Variants in CARMIL1 observed in about 807,000 individuals in gnomAD.
CARMIL1 encodes F-actin-uncapping protein LRRC16A.
In CARMIL1, 90 loss-of-function variants were observed where a neutral mutation model predicts 177.1. The observed-to-expected ratio is 0.51, with a 90% CI of 0.43 to 0.61. The LOEUF (loss-of-function observed/expected upper bound fraction) is 0.61. Among genes scored for constraint, CARMIL1 ranks in the 20% least tolerant of loss-of-function variants. The probability of loss-of-function intolerance (pLI) is 0.00; values close to 1 mark genes in which losing one functional copy is unlikely to be tolerated. For synonymous variants in CARMIL1, 577 were observed against 606.2 expected (o/e 0.95, Z 0.71); for missense variants, 1,380 against 1,667.0 (o/e 0.83, Z 3.00).
At chr6:25,590,789 A>G (rs906317981) in intron 31 of CARMIL1, among the ~76,000 whole-genome samples, 1 of 151,992 alleles carries the variant, frequency 6.6e-6, no homozygotes, top group African/African-American at 2.4e-5. Context: ...TAAGTTTTTA[A>G]TTTCTTATAC....
chr6:25,496,204 G>A (rs552985580), intron 16 of CARMIL1, among the ~76,000 whole-genome samples: 2 of 152,246 alleles, frequency 1.3e-5, no homozygotes, highest in Non-Finnish European at 2.9e-5. Flanking sequence ...CAGGCTGGGT[G>A]CGGTGGCTCA....
At chr6:25,497,261 C>G (rs150497291) in intron 16 of CARMIL1, among the ~76,000 whole-genome samples, 2 of 152,232 alleles carry the variant, frequency 1.3e-5, no homozygotes, top group African/African-American at 4.8e-5. Context: ...CTAGACACTG[C>G]GCTGGGTGCT....
intron 29 of CARMIL1, among the ~76,000 whole-genome samples, chr6:25,571,531 C>T (rs1812064553): frequency 6.6e-6 from 1 of 152,150 alleles, no homozygotes; most frequent in East Asian, 1.9e-4. Context: ...TCTACGTGGA[C>T]TAAAAGTATC....
At chr6:25,426,183 A>G in intron 3 of CARMIL1, among the ~76,000 whole-genome samples, 1 of 152,190 alleles carries the variant, frequency 6.6e-6, no homozygotes, top group Non-Finnish European at 1.5e-5. Flanking sequence ...TTAATGGCAA[A>G]AACTGTGATT....
chr6:25,435,639 A>T, intron 5 of CARMIL1, 35 bp downstream of exon 5: 1 of 1,542,686 alleles, frequency 6.5e-7, no homozygotes, highest in Non-Finnish European at 8.7e-7. Flanking sequence ...GAGAGCAAAG[A>T]ACCTGTTCTT....
At chr6:25,480,697 AT>A (rs1234968076) in intron 11 of CARMIL1, among the ~76,000 whole-genome samples, 1 of 141,560 alleles carries the variant, frequency 7.1e-6, no homozygotes, top group Admixed American at 7.0e-5. Context: ...TCATTGAAAT[AT>A]TGGGTGAAAA....
chr6:25,475,760 C>T (rs1358630235), intron 11 of CARMIL1, among the ~76,000 whole-genome samples: 1 of 152,158 alleles, frequency 6.6e-6, no homozygotes, highest in African/African-American at 2.4e-5. Context: ...GAATTTGAGG[C>T]CCTTTGTTTT....
chr6:25,314,696 C>A (rs1784140197), intron 2 of CARMIL1, among the ~76,000 whole-genome samples: 1 of 152,140 alleles, frequency 6.6e-6, no homozygotes, highest in South Asian at 2.1e-4. Context: ...CTGCCTCCAT[C>A]TTTCAGATAT....
rs911602662 is a variant in CARMIL1, at chr6:25,577,443, ATTG to A, written c.2743-3478_2743-3476del. Among the ~76,000 whole-genome samples the A allele has an allele frequency of 4.6e-5, 7 of 151,540 alleles. No individual in the cohort carries two copies. Among genetic ancestry groups the A allele is most frequent in the African/African-American group, 9.7e-5 (4 of 41,208 alleles). On this transcript the variant is annotated intron_variant, in intron 29 of 36. Coordinates refer to ENST00000329474, the MANE Select transcript of CARMIL1 (RefSeq NM_017640.6). This position sits in a 1 kb window ranked among gnomAD's most constrained non-coding sequence, Gnocchi z 4.5. ...TTTCCTAATCTTCTTCTCAGCTGGT[ATTG>A]TTATTTTTTTTTTCTTTCTACAGCC...
At chr6:25,387,377 T>G (rs905336521) in intron 2 of CARMIL1, among the ~76,000 whole-genome samples, 1 of 152,208 alleles carries the variant, frequency 6.6e-6, no homozygotes, top group African/African-American at 2.4e-5. Context: ...TGCAGAGATA[T>G]AAAAGTCAAT....
chr6:25,513,125 G>T (rs1805626041), intron 20 of CARMIL1, among the ~76,000 whole-genome samples: 1 of 152,146 alleles, frequency 6.6e-6, no homozygotes, highest in Non-Finnish European at 1.5e-5. Context: ...ACAGCTCGGA[G>T]AGTTGGCAGT....
intron 17 of CARMIL1, among the ~76,000 whole-genome samples, chr6:25,503,512 T>C (rs1478571978): frequency 1.3e-5 from 2 of 152,226 alleles, no homozygotes; most frequent in Non-Finnish European, 2.9e-5. Flanking sequence ...CTTGACACTT[T>C]GAGTGTTAAC....
At chr6:25,458,257 A>T (rs1215544471) in intron 8 of CARMIL1, among the ~76,000 whole-genome samples, 1 of 152,088 alleles carries the variant, frequency 6.6e-6, no homozygotes, top group African/African-American at 2.4e-5. Context: ...TTAGCAGTTT[A>T]TTTTTGATGT....
At chr6:25,455,039 C>T (rs770376351) in intron 8 of CARMIL1, among the ~76,000 whole-genome samples, 9 of 152,296 alleles carry the variant, frequency 5.9e-5, no homozygotes, top group South Asian at 2.1e-4. Flanking sequence ...GAGTCATTCT[C>T]ATATGTATAC....
chr6:25,447,033 C>T (rs534185802), intron 5 of CARMIL1, among the ~76,000 whole-genome samples: 1 of 152,184 alleles, frequency 6.6e-6, no homozygotes, highest in Admixed American at 6.5e-5. Flanking sequence ...GATCACGTCA[C>T]CAAAACAGAT....
At chr6:25,332,697 G>C (rs1174715885) in intron 2 of CARMIL1, among the ~76,000 whole-genome samples, 2 of 150,792 alleles carry the variant, frequency 1.3e-5, no homozygotes, top group African/African-American at 4.9e-5. Flanking sequence ...TCAGGGTAGA[G>C]ATTCTGTCTC....
At chr6:25,284,499 CA>C (rs1374101693) in intron 1 of CARMIL1, among the ~76,000 whole-genome samples, 24 of 152,230 alleles carry the variant, frequency 1.6e-4, no homozygotes, top group African/African-American at 5.3e-4. Flanking sequence ...CACTTGAGGT[CA>C]GGAGTTCAAG....
chr6:25,466,017 A>T, intron 9 of CARMIL1, 69 bp downstream of exon 9: 1 of 1,161,834 alleles, frequency 8.6e-7, no homozygotes, highest in Non-Finnish European at 1.3e-6. Context: ...TAATTGTGGG[A>T]AAAAAACAAT....
At position 25,522,369 on chromosome 6, in the gene CARMIL1, C is replaced by T. The variant is rs938145477; in HGVS notation, c.1968+2032C>T. Among the ~76,000 whole-genome samples, 3 of 152,254 alleles carry T rather than the reference C, an allele frequency of 2.0e-5. 1 individual carries two copies. Among genetic ancestry groups the T allele is most frequent in the South Asian group, 4.2e-4 (2 of 4,818 alleles). The stretch of plus-strand genomic sequence containing the variant: ...CAGGATCTGCCTCCTGTACACTTCC[C>T]ACTTCATCTCTGGCCAACTCTTTTG... On this transcript the variant is annotated intron_variant, in intron 23 of 36. Coordinates refer to ENST00000329474, the MANE Select transcript of CARMIL1 (RefSeq NM_017640.6).
Sources: gnomAD v4.1 joint callset for allele counts (sites outside exome capture counted in the v4.1 genomes callset) on GRCh38, gnomAD v4.1.1 for gene constraint, Gnocchi (gnomAD v3.1) non-coding constraint, MANE v1.5 for transcripts, NCBI Gene and HGNC (gene_info 2026-07-23, HGNC 2026-07-21) for gene names.